The following SMURF1 variants were observed in gnomAD, a reference collection of about 807,000 sequenced individuals.
The protein encoded by SMURF1 is E3 ubiquitin-protein ligase SMURF1.
Under a neutral mutation model 98.0 loss-of-function variants are expected in SMURF1, and 44 were observed. The observed-to-expected ratio is 0.45, with a 90% confidence interval of 0.35 to 0.58. SMURF1 has a LOEUF of 0.58. Ranked by LOEUF, SMURF1 falls within the 20% of genes least tolerant of loss-of-function variation. The probability of loss-of-function intolerance (pLI) is 0.00; values close to 1 mark genes in which losing one functional copy is unlikely to be tolerated. For synonymous variants in SMURF1, 396 were observed against 374.9 expected, an observed-to-expected ratio of 1.06 and a Z score of -0.65; for missense variants, 687 against 938.4, an observed-to-expected ratio of 0.73 and a Z score of 3.50.
intron 1 of SMURF1, among the ~76,000 whole-genome samples, chr7:99,093,281 A>C (rs1272669627): frequency 6.6e-6 from 1 of 152,194 alleles, no homozygotes; most frequent in Non-Finnish European, 1.5e-5. Flanking sequence ...AAAATGAATT[A>C]CAAACTGGTT....
At chr7:99,090,628 A>G (rs1400564432) in intron 1 of SMURF1, among the ~76,000 whole-genome samples, 1 of 152,182 alleles carries the variant, frequency 6.6e-6, no homozygotes, top group Non-Finnish European at 1.5e-5. Flanking sequence ...CACATTTATC[A>G]TTAAATGTTC....
At chr7:99,044,384 A>G (rs1584454425) in intron 11 of SMURF1, among the ~76,000 whole-genome samples, 1 of 152,226 alleles carries the variant, frequency 6.6e-6, no homozygotes, top group Admixed American at 6.5e-5. Context: ...CTAGAATACT[A>G]TTTAAACCCT....
chr7:99,140,644 A>G (rs780840271), intron 1 of SMURF1, among the ~76,000 whole-genome samples: 9 of 151,834 alleles, frequency 5.9e-5, no homozygotes, highest in Non-Finnish European at 1.0e-4. Flanking sequence ...GATGGTCTCA[A>G]CCTCCTGACC....
intron 1 of SMURF1, among the ~76,000 whole-genome samples, chr7:99,066,546 G>A (rs1796197006): frequency 6.6e-6 from 1 of 152,134 alleles, no homozygotes; most frequent in Non-Finnish European, 1.5e-5. Context: ...GGAGACTGAG[G>A]CAGGTGGGAT....
intron 1 of SMURF1, among the ~76,000 whole-genome samples, chr7:99,114,012 A>G (rs551805362): frequency 2.0e-5 from 3 of 152,258 alleles, no homozygotes; most frequent in African/African-American, 7.2e-5. Context: ...AAAAATTATT[A>G]CAAATACACA....
At position 99,099,209 on chromosome 7, in the gene SMURF1, CTTTTT is replaced by C. The variant is rs57973305; in HGVS notation, c.56-37377_56-37373del. ...GGCAATGAGGAGCCAAACACTACTA[CTTTTT>C]TTTTTTTTTTTTTTGGAAAGCTATA... On this transcript the variant is annotated intron_variant, in intron 1 of 17. Coordinates refer to ENST00000361368, the MANE Select transcript of SMURF1 (RefSeq NM_181349.3). Among the ~76,000 whole-genome samples the C allele has an allele frequency of 3.1e-5, 4 of 129,458 alleles. No individual in the cohort carries two copies. The East Asian group carries it at 8.8e-4, about 29-fold the overall frequency. 84.9% of individuals were successfully genotyped at this position (129,458 alleles called of 152,430 possible).
chr7:99,130,522 G>A (rs1797849680), intron 1 of SMURF1, among the ~76,000 whole-genome samples: 1 of 152,072 alleles, frequency 6.6e-6, no homozygotes, highest in Non-Finnish European at 1.5e-5. Context: ...AATACAAATT[G>A]ACAACAAAAT....
chr7:99,122,363 G>T (rs1338782073), intron 1 of SMURF1, among the ~76,000 whole-genome samples: 1 of 150,642 alleles, frequency 6.6e-6, no homozygotes, highest in East Asian at 2.0e-4. Context: ...AAAAAAAAAG[G>T]CCGGGCGCAG....
At chr7:99,049,813 T>C (rs1449366764) in intron 8 of SMURF1, 104 bp from the exon 9 acceptor site, 2 of 1,164,474 alleles carry the variant, frequency 1.7e-6, no homozygotes, top group South Asian at 1.5e-5. Context: ...AAGGTGTCTG[T>C]GTCCCAGCTC....
At chr7:99,126,263 T>A (rs1797741451) in intron 1 of SMURF1, among the ~76,000 whole-genome samples, 1 of 151,914 alleles carries the variant, frequency 6.6e-6, no homozygotes, top group Non-Finnish European at 1.5e-5. Flanking sequence ...GCAAAAATTA[T>A]AAGCCTTAAT....
intron 1 of SMURF1, among the ~76,000 whole-genome samples, chr7:99,117,602 C>T (rs183583872): frequency 1.8e-3 from 272 of 151,732 alleles, no homozygotes; most frequent in Middle Eastern, 3.4e-3. Flanking sequence ...CCACCCACCT[C>T]GGCCTCCCAA....
chr7:99,139,526 AT>A (rs1461174697), intron 1 of SMURF1, among the ~76,000 whole-genome samples: 1 of 152,216 alleles, frequency 6.6e-6, no homozygotes, highest in East Asian at 1.9e-4. Flanking sequence ...CCTGAATTCC[AT>A]TCTTTTACCC....
chr7:99,049,379 A>G lies in SMURF1; in HGVS notation c.953+184T>C, dbSNP rs1343425905. On this transcript the variant is annotated intron_variant, in intron 9 of 17. Coordinates refer to ENST00000361368, the MANE Select transcript of SMURF1 (RefSeq NM_181349.3). ...AAGGGTAGCAACAACATAGGGCTTC[A>G]GTGCTCTTCACAGCTAATTTAAGAG... 6.4e-6 allele frequency: 4 copies of G among 627,136 alleles called. No homozygotes were observed. The Admixed American group carries it at 1.2e-4, about 19-fold the overall frequency. 38.8% of individuals were successfully genotyped at this position (627,136 alleles called of 1,614,324 possible).
chr7:99,091,216 A>C (rs796121923), intron 1 of SMURF1, among the ~76,000 whole-genome samples: 1 of 152,206 alleles, frequency 6.6e-6, no homozygotes, highest in Non-Finnish European at 1.5e-5. Context: ...ATATATTCCC[A>C]AAAACACTAC....
intron 1 of SMURF1, among the ~76,000 whole-genome samples, chr7:99,125,057 TTTCATTCA>T (rs56017007): frequency 0.061 from 9,113 of 149,698 alleles, 356 homozygotes; most frequent in African/African-American, 0.11. Context: ...CAATAAAAAT[TTTCATTCA>T]TTCATTCATT....
At position 99,049,663 on chromosome 7, in the gene SMURF1, C is replaced by G. The variant is rs1303255303; in HGVS notation, c.853G>C (p.Gly285Arg). ...GAAACTGTACTTCTGACTTCCCAGCCTGGCGGCAGTGGTCCAAGTTCATCA... is the reference window on the plus strand; with the variant it reads ...GAAACTGTACTTCTGACTTCCCAGCGTGGCGGCAGTGGTCCAAGTTCATCA... ...NCDELGPLPP[G>R]WEVRSTVSGR... is the part of the protein sequence containing the mutation. The change falls in exon 9 of 18, where the codon GGC becomes CGC. Residue 285 changes from glycine (G) to arginine (R), a missense_variant. Physicochemically the swap from Gly to Arg is moderately radical, Grantham distance 125 (BLOSUM62 -2). This residue lies in a region of SMURF1 where 415 missense variants were observed against 508.4 expected (regional missense o/e 0.82). Coordinates refer to ENST00000361368, the MANE Select transcript of SMURF1 (RefSeq NM_181349.3). The G allele has an allele frequency of 6.2e-7, 1 of 1,614,096 alleles. No homozygotes were observed. Among genetic ancestry groups the G allele is most frequent in the East Asian group, 2.2e-5 (1 of 44,894 alleles).
intron 3 of SMURF1, among the ~76,000 whole-genome samples, chr7:99,058,274 C>T (rs1472408370): frequency 6.6e-6 from 1 of 151,932 alleles, no homozygotes; most frequent in African/African-American, 2.4e-5. Context: ...AGATTACAGG[C>T]ACCTGCCACC....
intron 1 of SMURF1, among the ~76,000 whole-genome samples, chr7:99,102,823 G>T (rs1032536022): frequency 2.0e-5 from 3 of 151,672 alleles, no homozygotes; most frequent in Admixed American, 6.6e-5. Flanking sequence ...CATTTTTTTG[G>T]TTTTTTTGTT....
At chr7:99,123,103 A>C (rs560241522) in intron 1 of SMURF1, among the ~76,000 whole-genome samples, 2 of 78,168 alleles carry the variant, frequency 2.6e-5, no homozygotes, top group African/African-American at 6.7e-5. Flanking sequence ...TGAAACTTTT[A>C]TTTATTTTTT....
Sources: allele counts gnomAD v4.1 joint callset (sites outside exome capture counted in the v4.1 genomes callset), GRCh38; gene constraint gnomAD v4.1.1; regional missense constraint gnomAD v4.1.1; transcripts MANE v1.5; gene names NCBI Gene and HGNC (gene_info 2026-07-23, HGNC 2026-07-21).